The following CRACD variants were observed in gnomAD, a reference collection of about 807,000 sequenced individuals.
CRACD encodes the protein capping protein-inhibiting regulator of actin dynamics.
CRACD carries 56 observed loss-of-function variants against 106.8 expected under a neutral mutation model. The ratio of observed to expected loss-of-function variants is 0.52; its 90% confidence interval spans 0.42 to 0.66. The LOEUF (loss-of-function observed/expected upper bound fraction) is 0.66. CRACD is among the 30% of genes least tolerant of loss of function. The probability of loss-of-function intolerance (pLI) is 0.00; values close to 1 mark genes in which losing one functional copy is unlikely to be tolerated. For missense variants in CRACD, 1,730 were observed against 1,623.2 expected (o/e 1.07, Z -1.13); for synonymous variants, 754 against 670.8 (o/e 1.12, Z -1.92).
intron 1 of CRACD, among the ~76,000 whole-genome samples, chr4:56,057,446 CTTTG>C (rs1488569016): frequency 1.3e-5 from 2 of 152,116 alleles, no homozygotes; most frequent in Admixed American, 6.5e-5. Flanking sequence ...TAGTGGAGGG[CTTTG>C]TTTATTTATA....
chr4:56,206,385 A>T (rs1330823623), intron 2 of CRACD, among the ~76,000 whole-genome samples: 1 of 152,166 alleles, frequency 6.6e-6, no homozygotes, highest in African/African-American at 2.4e-5. Flanking sequence ...AAAACAATAT[A>T]TGCCTTCCTT....
chr4:56,111,554 A>G (rs1734122277), intron 1 of CRACD, among the ~76,000 whole-genome samples: 1 of 152,180 alleles, frequency 6.6e-6, no homozygotes, highest in African/African-American at 2.4e-5. Flanking sequence ...ATATGTATAT[A>G]TTTTTGAGAC....
chr4:56,083,314 A>G (rs1733099269), intron 1 of CRACD, among the ~76,000 whole-genome samples: 1 of 152,224 alleles, frequency 6.6e-6, no homozygotes, highest in South Asian at 2.1e-4. Context: ...AAGTTGAATA[A>G]TGGCCAGAAA....
intron 3 of CRACD, chr4:56,297,974 G>GT (rs1158611056): frequency 8.2e-6 from 3 of 367,864 alleles, no homozygotes; most frequent in Non-Finnish European, 1.5e-5. Flanking sequence ...ATACAAATAA[G>GT]TAACTGTCTT....
intron 2 of CRACD, among the ~76,000 whole-genome samples, chr4:56,217,074 A>G (rs745920996): frequency 6.6e-6 from 1 of 152,024 alleles, no homozygotes; most frequent in Non-Finnish European, 1.5e-5. Context: ...TTTGATTAAC[A>G]TTCAGAGGGG....
At chr4:56,271,303 C>T (rs1313124090) in intron 2 of CRACD, among the ~76,000 whole-genome samples, 2 of 152,064 alleles carry the variant, frequency 1.3e-5, no homozygotes, top group Non-Finnish European at 2.9e-5. Context: ...AAAGGTATTA[C>T]CTAAAATACC....
chr4:56,316,352 G>A lies in CRACD; in HGVS notation c.2850G>A (p.Lys950=), dbSNP rs1214351502. Reference sequence around the variant, plus strand: ...AGACCCCGGCTCCGGAGCACGACAAGGCAGCAAACAAAATGCCACTGGCAC... The same window carrying A: ...AGACCCCGGCTCCGGAGCACGACAAAGCAGCAAACAAAATGCCACTGGCAC... The part of the protein sequence containing the change: ...SSQTPAPEHD[K]AANKMPLAQK... Residue 950 remains lysine (K), a synonymous_variant, in exon 8 of 11, where the codon AAG becomes AAA. Transcript: ENST00000682029. 1.9e-6 allele frequency: 3 copies of A among 1,614,074 alleles called. No homozygotes were observed. The highest frequency in any genetic ancestry group is 1.7e-5 in the Admixed American group (1 of 60,024).
intron 1 of CRACD, among the ~76,000 whole-genome samples, chr4:56,086,475 C>T (rs1733223488): frequency 6.6e-6 from 1 of 152,130 alleles, no homozygotes; most frequent in Non-Finnish European, 1.5e-5. Context: ...CTATTACTCA[C>T]ACTGAACCAA....
intron 2 of CRACD, among the ~76,000 whole-genome samples, chr4:56,231,467 A>T (rs1739613670): frequency 6.6e-6 from 1 of 152,192 alleles, no homozygotes; most frequent in Admixed American, 6.5e-5. Flanking sequence ...GGCTTGTGTA[A>T]CCCAGCAGCT....
intron 1 of CRACD, among the ~76,000 whole-genome samples, chr4:56,125,658 C>G (rs182656843): frequency 1.3e-5 from 2 of 152,172 alleles, no homozygotes; most frequent in East Asian, 3.9e-4. Flanking sequence ...CTCAAGTGAT[C>G]CTCCTGCCTT....
intron 2 of CRACD, among the ~76,000 whole-genome samples, chr4:56,232,819 G>A (rs1739715492): frequency 6.6e-6 from 1 of 151,744 alleles, no homozygotes; most frequent in African/African-American, 2.4e-5. Flanking sequence ...CTGCCTCCTG[G>A]GTTCAAGAGA....
intron 1 of CRACD, among the ~76,000 whole-genome samples, chr4:56,095,492 G>A (rs1435801332): frequency 1.3e-5 from 2 of 152,278 alleles, no homozygotes; most frequent in South Asian, 2.1e-4. Flanking sequence ...CTGAGCAAAG[G>A]CTTGAAGAAA....
intron 1 of CRACD, among the ~76,000 whole-genome samples, chr4:56,091,305 C>T (rs753293785): frequency 3.9e-5 from 6 of 151,924 alleles, no homozygotes; most frequent in Non-Finnish European, 8.8e-5. Flanking sequence ...ATTTCAGACA[C>T]CCAGAGTGCT....
chr4:56,049,644 C>T (rs1396213115), intron 1 of CRACD, among the ~76,000 whole-genome samples: 1 of 152,198 alleles, frequency 6.6e-6, no homozygotes, highest in African/African-American at 2.4e-5. Context: ...AGGTCCCTGG[C>T]TCGGTCCCGA....
chr4:56,157,346 G>A (rs1216952015), intron 1 of CRACD, among the ~76,000 whole-genome samples: 1 of 152,080 alleles, frequency 6.6e-6, no homozygotes. Context: ...TTTACTAAAC[G>A]ATGAGGTTGT....
At chr4:56,253,741 T>G (rs1200769570) in intron 2 of CRACD, among the ~76,000 whole-genome samples, 1 of 152,244 alleles carries the variant, frequency 6.6e-6, no homozygotes, top group Non-Finnish European at 1.5e-5. Flanking sequence ...TGAGATTTCT[T>G]GATGCCAGCT....
chr4:56,204,937 A>C (rs1034579449), intron 2 of CRACD, among the ~76,000 whole-genome samples: 2 of 151,496 alleles, frequency 1.3e-5, no homozygotes, highest in East Asian at 3.9e-4. Flanking sequence ...AGGCGGGAGG[A>C]TCCTTTGCAC....
chr4:56,078,022 A>C (rs1173067059), intron 1 of CRACD, among the ~76,000 whole-genome samples: 1 of 152,222 alleles, frequency 6.6e-6, no homozygotes, highest in East Asian at 1.9e-4. Flanking sequence ...TCTCACAATG[A>C]ATATGTACGT....
intron 8 of CRACD, 57 bp downstream of exon 8, chr4:56,316,746 CAAG>C: frequency 7.0e-7 from 1 of 1,436,634 alleles, no homozygotes; most frequent in Non-Finnish European, 9.3e-7. Context: ...GCCAGGGCAT[CAAG>C]AAGAGATCCA....
Sources: allele counts gnomAD v4.1 joint callset (sites outside exome capture counted in the v4.1 genomes callset), GRCh38; gene constraint gnomAD v4.1.1; transcripts MANE v1.5; gene names NCBI Gene and HGNC (gene_info 2026-07-23, HGNC 2026-07-21).